CHCHD6: variants seen among roughly 807,000 people sequenced by gnomAD.
CHCHD6 encodes coiled-coil-helix-coiled-coil-helix domain containing 6.
In CHCHD6, 28 loss-of-function variants were observed where a neutral mutation model predicts 32.3. The observed-to-expected ratio is 0.87, with a 90% CI of 0.64 to 1.19. CHCHD6 has a LOEUF of 1.19. Among genes scored for constraint, CHCHD6 ranks in the 50% most tolerant of loss-of-function variants. The pLI, the probability that CHCHD6 is intolerant of heterozygous loss-of-function variation, is 0.00. For synonymous variants in CHCHD6, 122 were observed against 117.5 expected, an observed-to-expected ratio of 1.04 and a Z score of -0.25; for missense variants, 333 against 307.0, an observed-to-expected ratio of 1.08 and a Z score of -0.63.
chr3:126,820,480 G>GT lies in CHCHD6; in HGVS notation c.412-32166dup, dbSNP rs533630333. Among the ~76,000 whole-genome samples, 430 of 152,318 alleles carry GT rather than the reference G, an allele frequency of 2.8e-3. 3 individuals carry two copies. Among genetic ancestry groups the GT allele is most frequent in the Non-Finnish European group, 4.2e-3 (286 of 68,024 alleles). On this transcript the variant is annotated intron_variant, in intron 4 of 7. Coordinates refer to ENST00000290913, the MANE Select transcript of CHCHD6 (RefSeq NM_032343.3). ...TGTGGACTTGGAAGAATACAGGACA[G>GT]TGTTCCTGGCTTTCTGGTTTTTCTG...
At chr3:126,812,809 A>T (rs1379664693) in intron 4 of CHCHD6, among the ~76,000 whole-genome samples, 1 of 151,970 alleles carries the variant, frequency 6.6e-6, no homozygotes. Context: ...GTTGGTTGGC[A>T]CCTTGGGATT....
rs1328549492 is a variant in CHCHD6, at chr3:126,882,854, C to T, written c.495+30124C>T. Among the ~76,000 whole-genome samples the T allele has an allele frequency of 3.3e-5, 5 of 152,290 alleles. No homozygotes were observed. The South Asian group carries it at 8.3e-4, about 25-fold the overall frequency. On this transcript the variant is annotated intron_variant, in intron 5 of 7. Transcript: ENST00000290913. ...GTACAACTCCTGAAATCCTTAGGATCTCCAAAATGATAAGTTCTCTTTGTG... is the reference window on the plus strand; with the variant it reads ...GTACAACTCCTGAAATCCTTAGGATTTCCAAAATGATAAGTTCTCTTTGTG...
intron 5 of CHCHD6, among the ~76,000 whole-genome samples, chr3:126,862,474 T>A (rs1485063788): frequency 4.4e-5 from 3 of 67,982 alleles, no homozygotes; most frequent in East Asian, 5.5e-4. Flanking sequence ...CATCACCACC[T>A]CCTCCTCTTC....
At chr3:126,827,864 G>T (rs1317640741) in intron 4 of CHCHD6, among the ~76,000 whole-genome samples, 2 of 152,136 alleles carry the variant, frequency 1.3e-5, no homozygotes, top group Non-Finnish European at 1.5e-5. Flanking sequence ...TCTCTTCAGG[G>T]TCTGGCCCAG....
intron 5 of CHCHD6, among the ~76,000 whole-genome samples, chr3:126,883,506 CT>C (rs1234500503): frequency 2.0e-5 from 3 of 152,310 alleles, no homozygotes; most frequent in East Asian, 3.9e-4. Flanking sequence ...TCACAGAAGT[CT>C]TCTGTGTCAA....
chr3:126,794,418 A>G (rs1938693590), intron 4 of CHCHD6, among the ~76,000 whole-genome samples: 1 of 148,116 alleles, frequency 6.8e-6, no homozygotes, highest in Admixed American at 6.8e-5. Context: ...TAGTTTGTAT[A>G]TATTTATATA....
intron 4 of CHCHD6, among the ~76,000 whole-genome samples, chr3:126,745,762 T>C (rs1936474788): frequency 6.6e-6 from 1 of 152,180 alleles, no homozygotes; most frequent in Non-Finnish European, 1.5e-5. Flanking sequence ...AGTTGTTCTT[T>C]CCTAACTCTT....
At chr3:126,898,286 C>T (rs1163407114) in intron 5 of CHCHD6, among the ~76,000 whole-genome samples, 1 of 152,202 alleles carries the variant, frequency 6.6e-6, no homozygotes, top group Admixed American at 6.5e-5. Flanking sequence ...TTGCTTGCCC[C>T]TCTGGGCTTC....
In CHCHD6 at chr3:126,889,684, G is replaced by A. The variant is rs376227193; in HGVS notation, c.496-24996G>A. Among the ~76,000 whole-genome samples, 10 of 152,352 alleles carry A rather than the reference G, an allele frequency of 6.6e-5. No homozygotes were observed. In the East Asian group the frequency reaches 1.9e-3, roughly 29 times the overall value. On this transcript the variant is annotated intron_variant, in intron 5 of 7. Transcript: ENST00000290913. ...GGAATCCTTGCTGCAGGGTATTCTT[G>A]TATACCGCCACTGCACATCTTTCTT... is the stretch of plus-strand genomic sequence containing the variant.
At chr3:126,917,075 T>G (rs1576599586) in intron 6 of CHCHD6, among the ~76,000 whole-genome samples, 1 of 152,264 alleles carries the variant, frequency 6.6e-6, no homozygotes, top group African/African-American at 2.4e-5. Flanking sequence ...GTCATAGCCT[T>G]TCTCATCCTC....
chr3:126,925,262 G>C (rs1043620697), intron 6 of CHCHD6, among the ~76,000 whole-genome samples: 2 of 152,148 alleles, frequency 1.3e-5, no homozygotes, highest in Non-Finnish European at 2.9e-5. Context: ...GACCAGAATG[G>C]TTAAAGGGTT....
intron 5 of CHCHD6, among the ~76,000 whole-genome samples, chr3:126,906,302 TGA>T (rs970717850): frequency 6.6e-6 from 1 of 152,052 alleles, no homozygotes; most frequent in African/African-American, 2.4e-5. Flanking sequence ...GCCTCCAGGC[TGA>T]TGGCCACTTC....
At chr3:126,923,044 A>G (rs1391314662) in intron 6 of CHCHD6, among the ~76,000 whole-genome samples, 1 of 152,214 alleles carries the variant, frequency 6.6e-6, no homozygotes, top group African/African-American at 2.4e-5. Context: ...GATGTCACAC[A>G]GGGACCCCAG....
At chr3:126,747,072 A>G (rs1576367217) in intron 4 of CHCHD6, among the ~76,000 whole-genome samples, 1 of 152,130 alleles carries the variant, frequency 6.6e-6, no homozygotes, top group East Asian at 1.9e-4. Context: ...GGCTGTGTAC[A>G]GGGCTTTTGG....
intron 4 of CHCHD6, among the ~76,000 whole-genome samples, chr3:126,835,327 G>A (rs1576472764): frequency 1.3e-5 from 2 of 152,030 alleles, no homozygotes; most frequent in African/African-American, 2.4e-5. Flanking sequence ...GCCTGACGTC[G>A]TTACGGGCTG....
intron 6 of CHCHD6, among the ~76,000 whole-genome samples, chr3:126,920,196 G>C (rs567283376): frequency 5.3e-5 from 7 of 133,022 alleles, no homozygotes; most frequent in African/African-American, 1.9e-4. Flanking sequence ...AATTCTAAAA[G>C]TTCTATTTGC....
At chr3:126,897,875 T>A (rs2077863790) in intron 5 of CHCHD6, among the ~76,000 whole-genome samples, 1 of 152,226 alleles carries the variant, frequency 6.6e-6, no homozygotes, top group African/African-American at 2.4e-5. Context: ...AGGAGCCCTC[T>A]GCATGTGGAC....
intron 4 of CHCHD6, among the ~76,000 whole-genome samples, chr3:126,844,876 T>C (rs555460392): frequency 1.3e-5 from 2 of 152,212 alleles, no homozygotes; most frequent in Non-Finnish European, 2.9e-5. Flanking sequence ...GAAGATATGA[T>C]AAGGGTAGCA....
chr3:126,866,418 G>A (rs1049577819), intron 5 of CHCHD6, among the ~76,000 whole-genome samples: 6 of 152,182 alleles, frequency 3.9e-5, no homozygotes, highest in African/African-American at 1.4e-4. Context: ...TGTGTCACAT[G>A]TACTAATTTG....
Sources: gnomAD v4.1 joint callset for allele counts (sites outside exome capture counted in the v4.1 genomes callset) on GRCh38, gnomAD v4.1.1 for gene constraint, MANE v1.5 for transcripts, NCBI Gene and HGNC (gene_info 2026-07-23, HGNC 2026-07-21) for gene names.